B4GALNT3: variants seen among roughly 807,000 people sequenced by gnomAD.
The protein encoded by B4GALNT3 is beta-1,4-N-acetyl-galactosaminyltransferase 3, also known as beta-1,4-N-acetylgalactosaminyltransferase 3.
B4GALNT3 carries 86 observed loss-of-function variants against 120.2 expected under a neutral mutation model. The ratio of observed to expected loss-of-function variants is 0.72; its 90% CI spans 0.60 to 0.86. The LOEUF (loss-of-function observed/expected upper bound fraction) is 0.86, where lower values mean the gene tolerates loss of function less well. Ranked by LOEUF, B4GALNT3 falls within the 40% of genes least tolerant of loss-of-function variation. The pLI, the probability that B4GALNT3 is intolerant of heterozygous loss-of-function variation, is 0.00. For missense variants in B4GALNT3, 1,167 were observed against 1,298.9 expected, an observed-to-expected ratio of 0.90 and a Z score of 1.56; for synonymous variants, 518 against 510.4, an observed-to-expected ratio of 1.01 and a Z score of -0.20.
At chr12:544,816 AATCCT>A (rs1946971511) in intron 4 of B4GALNT3, 61 bp from the exon 5 acceptor site, 1 of 1,521,210 alleles carries the variant, frequency 6.6e-7, no homozygotes, top group African/African-American at 1.4e-5. Context: ...TCTTCCCGCC[AATCCT>A]GGCGGGAAGT....
chr12:557,995 C>G, intron 16 of B4GALNT3, 21 bp from the exon 17 acceptor site: 1 of 1,613,164 alleles, frequency 6.2e-7, no homozygotes, highest in Non-Finnish European at 8.5e-7. Flanking sequence ...TGATACGCAG[C>G]CCTCTCTCCC....
intron 2 of B4GALNT3, 53 bp from the exon 3 acceptor site, chr12:536,165 G>T: frequency 6.6e-7 from 1 of 1,506,664 alleles, no homozygotes; most frequent in South Asian, 1.1e-5. Context: ...TGTCCTGCCC[G>T]TAGCTTCTCA....
At chr12:510,543 C>G (rs1946537831) in intron 1 of B4GALNT3, among the ~76,000 whole-genome samples, 1 of 151,864 alleles carries the variant, frequency 6.6e-6, no homozygotes, top group East Asian at 1.9e-4. Context: ...GAGCTGTTTA[C>G]CCGCCTCATG....
rs1042112200 is a variant in B4GALNT3 at position 536,127 on chromosome 12, G to C, written c.274-91G>C. ...AGACGGCAGCGTGCTCCGAGCCGAC[G>C]CCTCCTGGGAGCAGGCACTGTGCCT... On this transcript the variant is annotated intron_variant, in intron 2 of 19. Coordinates refer to ENST00000266383, the MANE Select transcript of B4GALNT3 (RefSeq NM_173593.4). 5.8e-6 allele frequency: 6 copies of C among 1,034,216 alleles called. No homozygotes were observed. In the African/African-American group the frequency reaches 7.9e-5, roughly 14 times the overall value. The allele number at this position is 1,034,216 out of a possible 1,614,324, so 64.1% of individuals were successfully genotyped here.
intron 1 of B4GALNT3, among the ~76,000 whole-genome samples, chr12:519,657 A>T (rs74341002): frequency 7.8e-6 from 1 of 128,304 alleles, no homozygotes; most frequent in African/African-American, 3.0e-5. Context: ...AGCAGTTTTT[A>T]TCAGCTCATC....
chr12:465,138 A>T (rs1565585484), intron 1 of B4GALNT3, among the ~76,000 whole-genome samples: 4 of 152,174 alleles, frequency 2.6e-5, no homozygotes, highest in Admixed American at 1.3e-4. Flanking sequence ...ACTGTGTCTC[A>T]TGCAGCTCTG....
intron 1 of B4GALNT3, among the ~76,000 whole-genome samples, chr12:514,239 C>T (rs1406783406): frequency 6.6e-6 from 1 of 151,472 alleles, no homozygotes; most frequent in East Asian, 1.9e-4. Context: ...GCTCTGTCCC[C>T]CAGGCTGGAG....
chr12:527,996 G>A (rs953761091), intron 1 of B4GALNT3, among the ~76,000 whole-genome samples: 3 of 152,038 alleles, frequency 2.0e-5, no homozygotes, highest in South Asian at 2.1e-4. Context: ...GGGAACAGGG[G>A]TAGCTGGTGA....
intron 17 of B4GALNT3, 86 bp downstream of exon 17, chr12:558,174 C>A: frequency 9.6e-6 from 14 of 1,452,524 alleles, no homozygotes; most frequent in Non-Finnish European, 1.3e-5. Context: ...AGGTGGTGAG[C>A]CCCTCAGGGA....
Position 460,712 on chromosome 12 carries a change from G to A in B4GALNT3, c.169+167G>A, listed in dbSNP as rs1416126024. Reference sequence around the variant, plus strand: ...CGTACTCGGGGAGAGCTGCGGGCGGGGGAAGCCGCGGGGCCGAGCGCAGAA... The same window carrying A: ...CGTACTCGGGGAGAGCTGCGGGCGGAGGAAGCCGCGGGGCCGAGCGCAGAA... On this transcript the variant is annotated intron_variant, in intron 1 of 19. Transcript: ENST00000266383. This position sits in a 1 kb window ranked among gnomAD's most constrained non-coding sequence, Gnocchi z 8.0. Among the ~76,000 whole-genome samples the A allele has an allele frequency of 6.6e-6, 1 of 152,112 alleles. No individual in the cohort carries two copies. Among genetic ancestry groups the A allele is most frequent in the Non-Finnish European group, 1.5e-5 (1 of 68,006 alleles).
At chr12:484,856 A>G (rs1946275716) in intron 1 of B4GALNT3, among the ~76,000 whole-genome samples, 2 of 151,896 alleles carry the variant, frequency 1.3e-5, no homozygotes, top group Admixed American at 1.3e-4. Flanking sequence ...CCTCCCAGTA[A>G]TGGTCCCAGA....
chr12:557,831 C>T, intron 16 of B4GALNT3, 70 bp downstream of exon 16: 2 of 1,536,614 alleles, frequency 1.3e-6, no homozygotes, highest in Non-Finnish European at 1.8e-6. Flanking sequence ...CTGCTGGGTC[C>T]AGGGTAGAGC....
intron 19 of B4GALNT3, among the ~76,000 whole-genome samples, chr12:561,000 A>G (rs556509244): frequency 1.3e-5 from 2 of 152,346 alleles, no homozygotes; most frequent in Non-Finnish European, 2.9e-5. Flanking sequence ...CTGAGCCCTC[A>G]GCATCCATCC....
At chr12:525,820 G>C (rs992824986) in intron 1 of B4GALNT3, among the ~76,000 whole-genome samples, 7 of 152,198 alleles carry the variant, frequency 4.6e-5, no homozygotes, top group African/African-American at 1.7e-4. Context: ...AGATGTTTCT[G>C]CTGAAACTAC....
In B4GALNT3 at chr12:460,406, G is replaced by T. The variant is rs1317258417; in HGVS notation, c.30G>T (p.Pro10=). The T allele has an allele frequency of 1.3e-6, 2 of 1,505,710 alleles. No homozygotes were observed. Among genetic ancestry groups the T allele is most frequent in the South Asian group, 1.2e-5 (1 of 81,294 alleles). 93.3% of individuals were successfully genotyped at this position (1,505,710 alleles called of 1,614,324 possible). Residue 10 remains proline, a synonymous_variant, in exon 1 of 20, where the codon CCG becomes CCT. Coordinates refer to ENST00000266383, the MANE Select transcript of B4GALNT3 (RefSeq NM_173593.4). This position sits in a 1 kb window ranked among gnomAD's most constrained non-coding sequence, Gnocchi z 8.0. ...GGAGCCCCCGGGCCGCGCGGCCCCC[G>T]CTGCTCCTGCGCCCGGTGAAGCTGC... The part of the protein sequence containing the change: MGSPRAARP[P]LLLRPVKLLR...
intron 1 of B4GALNT3, among the ~76,000 whole-genome samples, chr12:525,017 C>G (rs2120633301): frequency 6.6e-6 from 1 of 152,296 alleles, no homozygotes; most frequent in South Asian, 2.1e-4. Context: ...GTGTTGTTTC[C>G]CACCCAGGTC....
chr12:551,043 G>A lies in B4GALNT3; in HGVS notation c.1107+12G>A, dbSNP rs373263690. 6.3e-7 allele frequency: 1 copy of A among 1,589,846 alleles called. No individual in the cohort carries two copies. The highest frequency in any genetic ancestry group is 8.6e-7 in the Non-Finnish European group (1 of 1,158,312). ...AGGGACTCCGGTTTGTAAGTCTTGG[G>A]CCTGGGTCATGGAGAGCAGGGCTGG... is the stretch of plus-strand genomic sequence containing the variant. On this transcript the variant is annotated intron_variant, in intron 11 of 19. Transcript: ENST00000266383.
chr12:477,523 A>C (rs932323208), intron 1 of B4GALNT3, among the ~76,000 whole-genome samples: 2 of 152,220 alleles, frequency 1.3e-5, no homozygotes, highest in Admixed American at 1.3e-4. Context: ...CCAAGGCTCG[A>C]CATTCTTCAT....
chr12:493,570 T>C (rs1592021289), intron 1 of B4GALNT3, among the ~76,000 whole-genome samples: 2 of 147,522 alleles, frequency 1.4e-5, no homozygotes, highest in Admixed American at 6.9e-5. Context: ...TAAGACCTTC[T>C]GTACAGTGTT....
Sources: gnomAD v4.1 joint callset for allele counts (sites outside exome capture counted in the v4.1 genomes callset) on GRCh38, gnomAD v4.1.1 for gene constraint, Gnocchi (gnomAD v3.1) non-coding constraint, MANE v1.5 for transcripts, NCBI Gene and HGNC (gene_info 2026-07-23, HGNC 2026-07-21) for gene names.